ETV6: variants seen among roughly 807,000 people sequenced by gnomAD.
ETV6 encodes ETS variant transcription factor 6.
A neutral mutation model predicts 51.1 loss-of-function variants in ETV6; 16 were observed. The observed-to-expected ratio is 0.31, with a 90% CI of 0.21 to 0.48. The LOEUF (loss-of-function observed/expected upper bound fraction) is 0.48. Ranked by LOEUF, ETV6 falls within the 20% of genes least tolerant of loss-of-function variation. The probability of loss-of-function intolerance (pLI) is 0.99; values close to 1 mark genes in which losing one functional copy is unlikely to be tolerated. For missense variants in ETV6, 458 were observed against 594.8 expected (o/e 0.77, Z 2.39); for synonymous variants, 240 against 224.1 (o/e 1.07, Z -0.64).
Position 11,671,014 on chromosome 12 carries a change from T to C in ETV6, c.33+20854T>C, listed in dbSNP as rs560513176. 3.3e-3 allele frequency among the ~76,000 whole-genome samples: 499 copies of C among 152,250 alleles called. 3 individuals are homozygous for C. The highest frequency in any genetic ancestry group is 0.011 in the African/African-American group (467 of 41,548). On this transcript the variant is annotated intron_variant, in intron 1 of 7. Coordinates refer to ENST00000396373, the MANE Select transcript of ETV6 (RefSeq NM_001987.5). ...CCTTAACTGTCCTGCCCCAAAAAAG[T>C]GATGGGAATAACCCAAACCTTAAAG... is the stretch of plus-strand genomic sequence containing the variant.
chr12:11,663,904 A>G (rs1864147743), intron 1 of ETV6, among the ~76,000 whole-genome samples: 1 of 152,218 alleles, frequency 6.6e-6, no homozygotes, highest in Non-Finnish European at 1.5e-5. Context: ...TTAAGTGAAG[A>G]GGTGTTTGGT....
chr12:11,736,947 C>G (rs1720482637), intron 1 of ETV6, among the ~76,000 whole-genome samples: 1 of 152,126 alleles, frequency 6.6e-6, no homozygotes, highest in African/African-American at 2.4e-5. Flanking sequence ...AAGCTCTGTT[C>G]TAGTTGTAAG....
At chr12:11,741,147 G>C (rs959644873) in intron 1 of ETV6, among the ~76,000 whole-genome samples, 2 of 152,202 alleles carry the variant, frequency 1.3e-5, no homozygotes, top group African/African-American at 4.8e-5. Flanking sequence ...TGAGTTGATA[G>C]TGCAGTGTGC....
At chr12:11,669,254 C>T (rs1349125950) in intron 1 of ETV6, among the ~76,000 whole-genome samples, 6 of 152,106 alleles carry the variant, frequency 3.9e-5, no homozygotes, top group South Asian at 2.1e-4. Context: ...GGATTGTAAG[C>T]GACTTCGAAG....
intron 2 of ETV6, among the ~76,000 whole-genome samples, chr12:11,755,501 G>C (rs1230841497): frequency 6.6e-6 from 1 of 152,122 alleles, no homozygotes; most frequent in Admixed American, 6.5e-5. Context: ...CCTCAGCTGG[G>C]ACTTTCCAAA....
intron 6 of ETV6, 25 bp downstream of exon 6, chr12:11,884,612 C>G (rs1247537020): frequency 1.2e-6 from 2 of 1,612,522 alleles, no homozygotes; most frequent in Non-Finnish European, 1.7e-6. Flanking sequence ...GATATCTGCT[C>G]CATAAACTAG....
At position 11,895,176 on chromosome 12, in the gene ETV6, C is replaced by G. The variant is rs1278918752; in HGVS notation, c.*4130C>G. The G allele has an allele frequency of 1.7e-5, 4 of 230,730 alleles. No individual in the cohort carries two copies. The highest frequency in any genetic ancestry group is 3.4e-5 in the Non-Finnish European group (4 of 116,232). 14.3% of individuals were successfully genotyped at this position (230,730 alleles called of 1,614,324 possible). ...CTTTGTGACCGCAACCACCTGCAAA[C>G]CAGAACGACTCTAGAATTTCCTTCC... On this transcript the variant is annotated 3_prime_UTR_variant, in exon 8 of 8. Transcript: ENST00000396373.
At chr12:11,659,086 T>G (rs1370357872) in intron 1 of ETV6, among the ~76,000 whole-genome samples, 1 of 152,238 alleles carries the variant, frequency 6.6e-6, no homozygotes, top group Non-Finnish European at 1.5e-5. Context: ...TGCTGTGGGC[T>G]GGTGAATGTT....
Position 11,881,960 on chromosome 12 carries a change from C to G in ETV6, c.1010-2485C>G, listed in dbSNP as rs1053657944. Among the ~76,000 whole-genome samples, 7 of 152,326 alleles carry G rather than the reference C, an allele frequency of 4.6e-5. No individual in the cohort carries two copies. The South Asian group carries it at 1.2e-3, about 27-fold the overall frequency. ...CCACACCCCCACCTCAGCCCATCCCCTGGCAATACAGAATGCAGCCATGGC... is the reference window on the plus strand; with the variant it reads ...CCACACCCCCACCTCAGCCCATCCCGTGGCAATACAGAATGCAGCCATGGC... On this transcript the variant is annotated intron_variant, in intron 5 of 7. Coordinates refer to ENST00000396373, the MANE Select transcript of ETV6 (RefSeq NM_001987.5).
chr12:11,866,473 A>T (rs1445187016), intron 4 of ETV6, among the ~76,000 whole-genome samples: 3 of 152,210 alleles, frequency 2.0e-5, no homozygotes, highest in Non-Finnish European at 2.9e-5. Context: ...GTTCTATTCC[A>T]CTGAAGAGTA....
chr12:11,821,360 A>C (rs1946078375), intron 2 of ETV6, among the ~76,000 whole-genome samples: 1 of 151,708 alleles, frequency 6.6e-6, no homozygotes, highest in South Asian at 2.1e-4. Flanking sequence ...AGTGAGACTC[A>C]GTCTCAAAAA....
At chr12:11,757,325 C>A (rs1353328001) in intron 2 of ETV6, among the ~76,000 whole-genome samples, 1 of 152,102 alleles carries the variant, frequency 6.6e-6, no homozygotes. Context: ...ACGTGACAGG[C>A]ACAGCTATAT....
intron 1 of ETV6, among the ~76,000 whole-genome samples, chr12:11,705,334 A>C (rs1393855482): frequency 6.6e-6 from 1 of 152,222 alleles, no homozygotes; most frequent in Admixed American, 6.5e-5. Context: ...CTCTCAAAAA[A>C]TCAAGGTTTC....
intron 1 of ETV6, among the ~76,000 whole-genome samples, chr12:11,674,481 G>A (rs143559551): frequency 6.6e-6 from 1 of 152,160 alleles, no homozygotes; most frequent in Non-Finnish European, 1.5e-5. Flanking sequence ...TATCCAAAGA[G>A]GAGACAGTGG....
intron 1 of ETV6, among the ~76,000 whole-genome samples, chr12:11,749,484 TAA>T (rs1479871597): frequency 6.6e-6 from 1 of 152,134 alleles, no homozygotes; most frequent in Non-Finnish European, 1.5e-5. Context: ...GTTGTGAGAG[TAA>T]AGAGGTTCCC....
chr12:11,801,106 TGA>T (rs1945742966), intron 2 of ETV6, among the ~76,000 whole-genome samples: 2 of 152,222 alleles, frequency 1.3e-5, no homozygotes, highest in Admixed American at 6.5e-5. Flanking sequence ...TCATCCCATG[TGA>T]CTTTTTAAAG....
At chr12:11,883,158 A>G (rs1220552061) in intron 5 of ETV6, among the ~76,000 whole-genome samples, 3 of 152,098 alleles carry the variant, frequency 2.0e-5, no homozygotes, top group African/African-American at 7.2e-5. Flanking sequence ...CTCAACCTAG[A>G]AGGCACACAT....
In ETV6 at chr12:11,853,610, G is replaced by A. The variant is rs17210957; in HGVS notation, c.463+49G>A. On this transcript the variant is annotated intron_variant, in intron 4 of 7. Transcript: ENST00000396373. ...CTTGCCTGAGGTTTAGACAAATCCA[G>A]GAAGTTTAATTGTTAACTTGATAAG... 0.16 allele frequency: 248,596 copies of A among 1,599,274 alleles called. 21,737 individuals are homozygous for A. The highest frequency in any genetic ancestry group is 0.4 in the East Asian group (17,864 of 44,678).
intron 7 of ETV6, among the ~76,000 whole-genome samples, 173 bp from the exon 8 acceptor site, chr12:11,890,766 CAG>C (rs1179943273): frequency 6.6e-6 from 1 of 152,098 alleles, no homozygotes; most frequent in African/African-American, 2.4e-5. Context: ...TTTAGACAGT[CAG>C]AGAAAGGAGT....
Sources: gnomAD v4.1 joint callset for allele counts (sites outside exome capture counted in the v4.1 genomes callset) on GRCh38, gnomAD v4.1.1 for gene constraint, MANE v1.5 for transcripts, NCBI Gene and HGNC (gene_info 2026-07-23, HGNC 2026-07-21) for gene names.